The following SOX5 variants were observed in gnomAD, a reference collection of about 807,000 sequenced individuals.
The protein encoded by SOX5 is transcription factor SOX-5.
In SOX5, 9 loss-of-function variants were observed where a neutral mutation model predicts 92.0. The ratio of observed to expected loss-of-function variants is 0.10; its 90% CI spans 0.06 to 0.17. SOX5 has a LOEUF of 0.17. Among genes scored for constraint, SOX5 ranks in the 10% least tolerant of loss-of-function variants. The probability of loss-of-function intolerance (pLI) is 1.00; values close to 1 mark genes in which losing one functional copy is unlikely to be tolerated. For missense variants in SOX5, 642 were observed against 944.5 expected, an observed-to-expected ratio of 0.68 and a Z score of 4.20; for synonymous variants, 344 against 336.3, an observed-to-expected ratio of 1.02 and a Z score of -0.25.
At chr12:23,553,547 G>GA (rs1388413272) in intron 11 of SOX5, among the ~76,000 whole-genome samples, 1 of 151,820 alleles carries the variant, frequency 6.6e-6, no homozygotes, top group Non-Finnish European at 1.5e-5. Context: ...GGCAGGAGGG[G>GA]AAAAAAACAA....
intron 1 of SOX5, among the ~76,000 whole-genome samples, chr12:24,369,435 T>C (rs1956500354): frequency 6.6e-6 from 1 of 152,106 alleles, no homozygotes; most frequent in African/African-American, 2.4e-5. Context: ...TGTAGTCAAG[T>C]CCCACTAAAA....
At chr12:24,536,384 C>T (rs908739166) in intron 1 of SOX5, among the ~76,000 whole-genome samples, 2 of 152,122 alleles carry the variant, frequency 1.3e-5, no homozygotes, top group Non-Finnish European at 2.9e-5. Context: ...ACTATCAGAC[C>T]GATTTAAGAC....
intron 1 of SOX5, among the ~76,000 whole-genome samples, chr12:23,921,349 A>G (rs187315119): frequency 1.9e-4 from 29 of 152,088 alleles, no homozygotes; most frequent in African/African-American, 7.0e-4. Context: ...CAGTGAAACT[A>G]TTGCTCTAAG....
At chr12:24,346,508 G>T (rs1953270774) in intron 2 of SOX5, among the ~76,000 whole-genome samples, 1 of 149,338 alleles carries the variant, frequency 6.7e-6, no homozygotes, top group Non-Finnish European at 1.5e-5. Flanking sequence ...CTGGAGTGCA[G>T]TGGCGTGATA....
rs749845598 is a variant in SOX5 at position 23,792,622 on chromosome 12, C to CAAAAAAAAAA, written c.482-36908_482-36899dup. Among the ~76,000 whole-genome samples, 64 of 38,962 alleles carry CAAAAAAAAAA rather than the reference C, an allele frequency of 1.6e-3. 9 individuals carry two copies. Among genetic ancestry groups the CAAAAAAAAAA allele is most frequent in the African/African-American group, 2.7e-3 (17 of 6,334 alleles). 25.6% of individuals were successfully genotyped at this position (38,962 alleles called of 152,430 possible). On this transcript the variant is annotated intron_variant, in intron 3 of 14. Coordinates refer to ENST00000451604, the MANE Select transcript of SOX5 (RefSeq NM_006940.6). ...TGGGCAATAGAGTGAGGCTCTGTCT[C>CAAAAAAAAAA]AAAAAAAAAAAAAAAAAAAAAAAAA...
chr12:24,124,198 T>C (rs1472878633), intron 4 of SOX5, among the ~76,000 whole-genome samples: 6 of 152,330 alleles, frequency 3.9e-5, no homozygotes, highest in Middle Eastern at 3.4e-3. Context: ...TCCCACACAA[T>C]AATCCTTCAT....
chr12:24,107,345 T>C (rs1014404062), intron 4 of SOX5, among the ~76,000 whole-genome samples: 1 of 152,222 alleles, frequency 6.6e-6, no homozygotes, highest in Admixed American at 6.5e-5. Context: ...GGAAGAATGA[T>C]TGAGTTGCTA....
intron 4 of SOX5, among the ~76,000 whole-genome samples, chr12:24,102,585 A>G (rs1459834613): frequency 6.6e-6 from 1 of 152,248 alleles, no homozygotes; most frequent in Non-Finnish European, 1.5e-5. Context: ...TGGATTTAAC[A>G]ATATGGTTAA....
chr12:23,759,014 CACACACACACACACAG>C (rs1283103604), intron 3 of SOX5, among the ~76,000 whole-genome samples: 2 of 66,014 alleles, frequency 3.0e-5, no homozygotes, highest in Non-Finnish European at 6.0e-5. Context: ...ACACAAAACA[CACACACACACACACAG>C]ACACACACAC....
chr12:23,646,308 G>C (rs1280986049), intron 7 of SOX5, among the ~76,000 whole-genome samples: 1 of 152,114 alleles, frequency 6.6e-6, no homozygotes, highest in Non-Finnish European at 1.5e-5. Context: ...TTGGGTAGCT[G>C]GGACCACATG....
rs189396743 is a variant in SOX5 at position 23,661,686 on chromosome 12, A to C, written c.931+3758T>G. Among the ~76,000 whole-genome samples the C allele has an allele frequency of 2.9e-3, 443 of 152,330 alleles. 1 individual carries two copies. The highest frequency in any genetic ancestry group is 6.8e-3 in the Middle Eastern group (2 of 294). On this transcript the variant is annotated intron_variant, in intron 7 of 14. Coordinates refer to ENST00000451604, the MANE Select transcript of SOX5 (RefSeq NM_006940.6). ...CACAAGCTTCACAGCTCACATGTTA[A>C]AGTCTTTGATAAATAGTTTAGGATA...
chr12:23,665,413 C>T (rs1489093785), intron 7 of SOX5, 31 bp downstream of exon 7: 1 of 1,611,834 alleles, frequency 6.2e-7, no homozygotes, highest in African/African-American at 1.3e-5. Context: ...GCCCTCCACC[C>T]ACTCCCAGAT....
chr12:24,292,618 AT>A (rs1373317553), intron 2 of SOX5, among the ~76,000 whole-genome samples: 1 of 152,186 alleles, frequency 6.6e-6, no homozygotes, highest in African/African-American at 2.4e-5. Context: ...CACAAAGAGA[AT>A]TTTGTAGAGA....
intron 3 of SOX5, among the ~76,000 whole-genome samples, chr12:23,841,997 G>T (rs1335236599): frequency 1.3e-5 from 2 of 152,064 alleles, no homozygotes; most frequent in Non-Finnish European, 2.9e-5. Context: ...TCATAGAGGA[G>T]TGTGAGGGAC....
intron 3 of SOX5, among the ~76,000 whole-genome samples, chr12:23,775,244 C>G (rs1235489926): frequency 6.6e-6 from 1 of 152,096 alleles, no homozygotes; most frequent in Non-Finnish European, 1.5e-5. Context: ...TTAAAATGCG[C>G]CTTGCATGGT....
intron 1 of SOX5, among the ~76,000 whole-genome samples, chr12:24,548,994 A>G (rs1175320907): frequency 6.6e-6 from 1 of 150,858 alleles, no homozygotes; most frequent in Admixed American, 6.6e-5. Context: ...TTTCCCTTCC[A>G]CTCTGCTTCA....
chr12:23,877,577 A>T (rs2096941389), intron 2 of SOX5, among the ~76,000 whole-genome samples: 1 of 152,116 alleles, frequency 6.6e-6, no homozygotes, highest in Admixed American at 6.5e-5. Flanking sequence ...TTAATAAGAG[A>T]TATATCAAAG....
intron 3 of SOX5, among the ~76,000 whole-genome samples, chr12:24,264,358 A>G (rs1942707378): frequency 6.6e-6 from 1 of 152,168 alleles, no homozygotes; most frequent in Admixed American, 6.6e-5. Context: ...TGCTCTTGAA[A>G]AGTTATATTT....
rs532791845 is a variant in SOX5 at position 24,144,845 on chromosome 12, T to C, written c.-2+68498A>G. On this transcript the variant is annotated intron_variant, in intron 4 of 4. Coordinates refer to the SOX5 transcript ENST00000446891. ...CCCTGTCTCAAAAAAAAGAAAAAAA[T>C]AGCACAAAGGCTACAAGGGGAAAAA... is the stretch of plus-strand genomic sequence containing the variant. Among the ~76,000 whole-genome samples the C allele has an allele frequency of 2.0e-5, 3 of 150,778 alleles. No homozygotes were observed. The South Asian group carries it at 6.3e-4, about 32-fold the overall frequency.
Sources: allele counts gnomAD v4.1 joint callset (sites outside exome capture counted in the v4.1 genomes callset), GRCh38; gene constraint gnomAD v4.1.1; transcripts MANE v1.5; gene names NCBI Gene and HGNC (gene_info 2026-07-23, HGNC 2026-07-21).